PPWD1: variants seen among roughly 807,000 people sequenced by gnomAD.
The protein encoded by PPWD1 is peptidylprolyl isomerase domain and WD repeat-containing protein 1.
PPWD1 carries 43 observed loss-of-function variants against 68.8 expected under a neutral mutation model. The ratio of observed to expected loss-of-function variants is 0.62; its 90% CI spans 0.49 to 0.81. The LOEUF (loss-of-function observed/expected upper bound fraction) is 0.81, where lower values mean the gene tolerates loss of function less well. Among genes scored for constraint, PPWD1 ranks in the 30% least tolerant of loss-of-function variants. The pLI is 0.00. For missense variants in PPWD1, 672 were observed against 804.8 expected (o/e 0.83, Z 2.00); for synonymous variants, 232 against 258.7 (o/e 0.90, Z 0.99).
chr5:65,569,538 A>G, intron 2 of PPWD1, 94 bp from the exon 3 acceptor site: 2 of 1,375,032 alleles, frequency 1.5e-6, no homozygotes, highest in Non-Finnish European at 1.9e-6. Context: ...CCTATTATGC[A>G]CAAGTCAGAT....
chr5:65,578,747 C>T (rs1319252696), intron 6 of PPWD1, among the ~76,000 whole-genome samples: 4 of 130,166 alleles, frequency 3.1e-5, no homozygotes, highest in African/African-American at 6.2e-5. Context: ...TATATATATA[C>T]ACACATATAT....
In PPWD1 at chr5:65,583,226, A is replaced by G. The variant is rs752815317; in HGVS notation, c.1532+7A>G. ...CCAAACTTTTTCCTGTTGAGTATGT[A>G]TAACAACTGTTTTTATTGGCTTATG... On this transcript the variant is annotated splice_region_variant and intron_variant, in intron 8 of 10. Coordinates refer to ENST00000261308, the MANE Select transcript of PPWD1 (RefSeq NM_015342.4). 5.9e-6 allele frequency: 9 copies of G among 1,533,650 alleles called. No individual in the cohort carries two copies. The highest frequency in any genetic ancestry group is 2.5e-5 in the South Asian group (2 of 78,786).
chr5:65,567,440 A>G, intron 1 of PPWD1, 73 bp from the exon 2 acceptor site: 1 of 1,438,818 alleles, frequency 7.0e-7, no homozygotes, highest in Non-Finnish European at 9.2e-7. Context: ...ACAATTTTAA[A>G]TAAAGAAAAT....
Position 65,583,115 on chromosome 5 carries a change from A to C in PPWD1, c.1428A>C (p.Glu476Asp), listed in dbSNP as rs780938772. 1 of 1,613,662 alleles carries C rather than the reference A, an allele frequency of 6.2e-7. No individual in the cohort carries two copies. The highest frequency in any genetic ancestry group is 2.2e-5 in the East Asian group (1 of 44,852). Residue 476 changes from glutamate to aspartate, a missense_variant, in exon 8 of 11, where the codon GAA becomes GAC. Coordinates refer to ENST00000261308, the MANE Select transcript of PPWD1 (RefSeq NM_015342.4). Reference protein sequence around the residue: ...RDVFNEKPSKEEVMAATQAEG... With the variant: ...RDVFNEKPSKDEVMAATQAEG... The stretch of plus-strand genomic sequence containing the variant: ...TTTTTAATGAGAAACCTTCTAAAGA[A>C]GAAGTCATGGCAGCTACTCAAGCTG...
intron 1 of PPWD1, 21 bp from the exon 2 acceptor site, chr5:65,567,492 A>G: frequency 1.3e-6 from 2 of 1,589,502 alleles, no homozygotes; most frequent in Non-Finnish European, 1.7e-6. Context: ...TAGATCTTAT[A>G]CTTTACTTTT....
chr5:65,586,578 T>C (rs1753859852), intron 10 of PPWD1, among the ~76,000 whole-genome samples: 1 of 152,178 alleles, frequency 6.6e-6, no homozygotes, highest in Non-Finnish European at 1.5e-5. Flanking sequence ...GAAATCAGAA[T>C]ACATTAGATT....
At chr5:65,579,283 T>C in intron 6 of PPWD1, 141 bp from the exon 7 acceptor site, 3 of 1,262,650 alleles carry the variant, frequency 2.4e-6, no homozygotes, top group Non-Finnish European at 3.1e-6. Flanking sequence ...TTTTGGGGGG[T>C]AGAGAAACAC....
At chr5:65,567,234 C>T (rs1321285492) in intron 1 of PPWD1, among the ~76,000 whole-genome samples, 2 of 151,264 alleles carry the variant, frequency 1.3e-5, no homozygotes, top group African/African-American at 4.9e-5. Flanking sequence ...CACATTAAGC[C>T]AGAAGCACTC....
intron 8 of PPWD1, among the ~76,000 whole-genome samples, chr5:65,583,501 G>A (rs938715212): frequency 2.6e-5 from 4 of 152,158 alleles, no homozygotes; most frequent in Non-Finnish European, 5.9e-5. Flanking sequence ...GTGTATCACT[G>A]TTACTGTTAA....
At chr5:65,578,421 G>A (rs1753409619) in intron 6 of PPWD1, among the ~76,000 whole-genome samples, 1 of 152,098 alleles carries the variant, frequency 6.6e-6, no homozygotes, top group African/African-American at 2.4e-5. Context: ...ACTGCCTTTC[G>A]AAGTGGCTAT....
intron 5 of PPWD1, 127 bp from the exon 6 acceptor site, chr5:65,576,752 C>G (rs1417383312): frequency 2.4e-5 from 33 of 1,388,862 alleles, no homozygotes; most frequent in Non-Finnish European, 3.1e-5. Flanking sequence ...GAAGTACAAA[C>G]AGTTAGTGGC....
intron 1 of PPWD1, among the ~76,000 whole-genome samples, chr5:65,566,636 T>C (rs973999736): frequency 6.6e-6 from 1 of 152,164 alleles, no homozygotes; most frequent in Non-Finnish European, 1.5e-5. Flanking sequence ...AGCAACTTTT[T>C]TTAGGCACGT....
At chr5:65,574,973 G>A (rs1458872043) in intron 5 of PPWD1, among the ~76,000 whole-genome samples, 5 of 152,196 alleles carry the variant, frequency 3.3e-5, no homozygotes, top group South Asian at 2.1e-4. Context: ...GTAAATGACT[G>A]GAATCTCAAG....
At chr5:65,574,649 G>A (rs1215090718) in intron 5 of PPWD1, among the ~76,000 whole-genome samples, 1 of 151,354 alleles carries the variant, frequency 6.6e-6, no homozygotes. Flanking sequence ...ATTTTTAGTA[G>A]AGACGGGGTT....
At chr5:65,569,000 T>C (rs1201072489) in intron 2 of PPWD1, 10 of 455,884 alleles carry the variant, frequency 2.2e-5, no homozygotes, top group Middle Eastern at 3.3e-4. Flanking sequence ...CTGAGGCAAG[T>C]ACATTTAACA....
chr5:65,563,665 C>T (rs969897053), intron 1 of PPWD1, 159 bp downstream of exon 1: 124 of 1,342,050 alleles, frequency 9.2e-5, no homozygotes, highest in Non-Finnish European at 1.2e-4. Flanking sequence ...CATGTCTTAA[C>T]GAAATAGTGA....
rs1232983639 is a variant in PPWD1 at position 65,587,547 on chromosome 5, T to C, written c.*151T>C. The C allele has an allele frequency of 4.5e-6, 3 of 669,158 alleles. No individual in the cohort carries two copies. The highest frequency in any genetic ancestry group is 4.5e-6 in the Non-Finnish European group (2 of 442,920). The allele number at this position is 669,158 out of a possible 1,614,324, so 41.5% of individuals were successfully genotyped here. ...TTTATTAAAGGCTATTTTTTAAAAA[T>C]TACCTTTGACTTTTCTCGCAATATT... On this transcript the variant is annotated 3_prime_UTR_variant, in exon 11 of 11. Transcript: ENST00000261308.
intron 4 of PPWD1, among the ~76,000 whole-genome samples, chr5:65,571,143 G>C (rs1752992043): frequency 6.6e-6 from 1 of 152,092 alleles, no homozygotes. Flanking sequence ...TTCAGACTTT[G>C]ATAGAAATTC....
chr5:65,577,518 A>G (rs1753353214), intron 6 of PPWD1, among the ~76,000 whole-genome samples: 1 of 152,236 alleles, frequency 6.6e-6, no homozygotes. Context: ...AATAGCTACA[A>G]TCAGATACTC....
Sources: gnomAD v4.1 joint callset for allele counts (sites outside exome capture counted in the v4.1 genomes callset) on GRCh38, gnomAD v4.1.1 for gene constraint, MANE v1.5 for transcripts, NCBI Gene and HGNC (gene_info 2026-07-23, HGNC 2026-07-21) for gene names.